Variants in ELP4 observed in about 807,000 individuals in gnomAD.
ELP4 encodes elongator acetyltransferase complex subunit 4, also known as elongator complex protein 4.
In ELP4, 51 loss-of-function variants were observed where a neutral mutation model predicts 48.9. The ratio of observed to expected loss-of-function variants is 1.04; its 90% confidence interval spans 0.83 to 1.32. The LOEUF (loss-of-function observed/expected upper bound fraction) is 1.32. ELP4 is among the 40% of genes most tolerant of loss of function. ELP4 has a pLI of 0.00. For missense variants in ELP4, 519 were observed against 514.6 expected, an observed-to-expected ratio of 1.01 and a Z score of -0.08; for synonymous variants, 210 against 189.2, an observed-to-expected ratio of 1.11 and a Z score of -0.90.
At chr11:31,672,423 T>C (rs961934972) in intron 9 of ELP4, among the ~76,000 whole-genome samples, 2 of 152,224 alleles carry the variant, frequency 1.3e-5, no homozygotes, top group African/African-American at 4.8e-5. Flanking sequence ...TTAGAGATGA[T>C]ATTTATTCCA....
chr11:31,750,942 T>C (rs542582837), intron 9 of ELP4, among the ~76,000 whole-genome samples: 1 of 152,350 alleles, frequency 6.6e-6, no homozygotes, highest in Non-Finnish European at 1.5e-5. Context: ...AAACATTCCT[T>C]TTCTTAACCT....
intron 3 of ELP4, among the ~76,000 whole-genome samples, chr11:31,567,458 ACAAG>A (rs1957131332): frequency 6.6e-6 from 1 of 152,230 alleles, no homozygotes; most frequent in African/African-American, 2.4e-5. Context: ...ACCAAGAAAA[ACAAG>A]CAAGTTTTTG....
chr11:31,785,931 C>A lies in ELP4; in HGVS notation c.*2407C>A, dbSNP rs886048184. The A allele has an allele frequency of 2.0e-5, 4 of 196,630 alleles. No homozygotes were observed. The East Asian group carries it at 3.2e-4, about 16-fold the overall frequency. 12.2% of individuals were successfully genotyped at this position (196,630 alleles called of 1,614,324 possible). On this transcript the variant is annotated 3_prime_UTR_variant, in exon 10 of 10. Coordinates refer to ENST00000640961, the MANE Select transcript of ELP4 (RefSeq NM_019040.5). ...CCAAACGTAATATCTGAAATGATATCTTTTAAGTGTTTCTAGTATATGAAC... is the reference window on the plus strand; with the variant it reads ...CCAAACGTAATATCTGAAATGATATATTTTAAGTGTTTCTAGTATATGAAC...
At chr11:31,579,415 C>A (rs1022603305) in intron 3 of ELP4, among the ~76,000 whole-genome samples, 4 of 152,124 alleles carry the variant, frequency 2.6e-5, no homozygotes, top group South Asian at 2.1e-4. Flanking sequence ...TACCATTAGA[C>A]CCAGCCATCC....
chr11:31,783,581 A>G lies in ELP4; in HGVS notation c.*57A>G. 2.0e-6 allele frequency: 3 copies of G among 1,510,178 alleles called. No individual in the cohort carries two copies. The highest frequency in any genetic ancestry group is 2.7e-6 in the Non-Finnish European group (3 of 1,106,430). The allele number at this position is 1,510,178 out of a possible 1,614,324, so 93.5% of individuals were successfully genotyped here. On this transcript the variant is annotated 3_prime_UTR_variant, in exon 10 of 10. Coordinates refer to ENST00000640961, the MANE Select transcript of ELP4 (RefSeq NM_019040.5). ...CTATGACACTCTAATTATGATTGCT[A>G]ATAGCTTATGTAAATATTTTTCTTA...
At chr11:31,561,524 C>T (rs1181473702) in intron 3 of ELP4, among the ~76,000 whole-genome samples, 1 of 152,152 alleles carries the variant, frequency 6.6e-6, no homozygotes, top group Non-Finnish European at 1.5e-5. Flanking sequence ...TCACTGTACC[C>T]TCCACCTACC....
intron 5 of ELP4, among the ~76,000 whole-genome samples, chr11:31,607,557 T>A (rs770615904): frequency 6.6e-6 from 1 of 152,194 alleles, no homozygotes; most frequent in African/African-American, 2.4e-5. Flanking sequence ...GGAGCCCTGA[T>A]GACATAATCA....
At chr11:31,606,986 G>C (rs537827598) in intron 5 of ELP4, among the ~76,000 whole-genome samples, 1 of 152,298 alleles carries the variant, frequency 6.6e-6, no homozygotes, top group South Asian at 2.1e-4. Flanking sequence ...GTTTAGATTA[G>C]GTTGTGAGGG....
At chr11:31,562,240 A>C (rs938021914) in intron 3 of ELP4, among the ~76,000 whole-genome samples, 1 of 152,216 alleles carries the variant, frequency 6.6e-6, no homozygotes, top group African/African-American at 2.4e-5. Context: ...ATTTTTAAAT[A>C]ATTAGGTTAT....
intron 9 of ELP4, among the ~76,000 whole-genome samples, chr11:31,688,761 T>C (rs1592224700): frequency 1.3e-5 from 2 of 152,206 alleles, no homozygotes; most frequent in South Asian, 2.1e-4. Flanking sequence ...GTGAACAGTA[T>C]GTAGAAGTGC....
At chr11:31,511,787 T>C (rs1383388060) in intron 1 of ELP4, 1 of 152,216 alleles carries the variant, frequency 6.6e-6, no homozygotes, top group Non-Finnish European at 1.5e-5. Context: ...GCACCTTCTA[T>C]ACGTGTTTCT....
In ELP4 at chr11:31,786,927, C is replaced by G. The variant is rs1948679340; in HGVS notation, c.*3403C>G. The G allele has an allele frequency of 4.5e-6, 1 of 220,322 alleles. No individual in the cohort carries two copies. Among genetic ancestry groups the G allele is most frequent in the Non-Finnish European group, 9.1e-6 (1 of 110,038 alleles). The allele number at this position is 220,322 out of a possible 1,614,324, so 13.6% of individuals were successfully genotyped here. On this transcript the variant is annotated 3_prime_UTR_variant, in exon 10 of 10. Transcript: ENST00000640961. ...TTAGACGTTTAGTCCTGGGATTCTA[C>G]TGAAGTCTTCACAAATAATCTCCAT...
At chr11:31,655,559 G>A (rs990583207) in intron 9 of ELP4, among the ~76,000 whole-genome samples, 2 of 151,952 alleles carry the variant, frequency 1.3e-5, no homozygotes, top group Admixed American at 6.6e-5. Context: ...AGACTTCAAA[G>A]AGCTTGAGGC....
chr11:31,744,267 A>T (rs1003106393), intron 9 of ELP4, among the ~76,000 whole-genome samples: 2 of 152,206 alleles, frequency 1.3e-5, no homozygotes, highest in African/African-American at 4.8e-5. Flanking sequence ...ACCAACCAAA[A>T]AAAGCTCAGG....
chr11:31,787,203 G>T lies in ELP4; in HGVS notation c.*3679G>T, dbSNP rs1400840686. 1.7e-5 allele frequency: 4 copies of T among 232,702 alleles called. No homozygotes were observed. Among genetic ancestry groups the T allele is most frequent in the Non-Finnish European group, 2.5e-5 (3 of 117,746 alleles). 14.4% of individuals were successfully genotyped at this position (232,702 alleles called of 1,614,324 possible). ...CAGCCGTTCCCATCCTGCCGGACCA[G>T]AGGGCTTCTGCAGCTGAGCAGCCGC... On this transcript the variant is annotated 3_prime_UTR_variant, in exon 10 of 10. Transcript: ENST00000640961.
Position 31,647,647 on chromosome 11 carries a change from TAC to T in ELP4, c.928-92_928-91del. On this transcript the variant is annotated intron_variant, in intron 7 of 9. Transcript: ENST00000640961. ...TTCACTGTTGATAGTCTATCTCCAC[TAC>T]AGTTTTTCATGAGATGGCATAGGGA... 7 of 767,420 alleles carry T rather than the reference TAC, an allele frequency of 9.1e-6. No individual in the cohort carries two copies. In the South Asian group the frequency reaches 9.9e-5, roughly 11 times the overall value. The allele number at this position is 767,420 out of a possible 1,614,324, so 47.5% of individuals were successfully genotyped here.
intron 9 of ELP4, among the ~76,000 whole-genome samples, chr11:31,734,396 C>A (rs765007616): frequency 6.6e-6 from 1 of 152,072 alleles, no homozygotes; most frequent in Non-Finnish European, 1.5e-5. Context: ...TTAAAGGCAT[C>A]CATATCAGAA....
At chr11:31,519,803 G>A (rs1317203259) in intron 1 of ELP4, among the ~76,000 whole-genome samples, 1 of 149,284 alleles carries the variant, frequency 6.7e-6, no homozygotes, top group Admixed American at 6.7e-5. Flanking sequence ...GCACTCCAGC[G>A]TGATCAACAG....
chr11:31,714,128 T>C (rs1946795583), intron 9 of ELP4, among the ~76,000 whole-genome samples: 1 of 152,144 alleles, frequency 6.6e-6, no homozygotes, highest in Admixed American at 6.6e-5. Context: ...GATGTAAAAC[T>C]GCTTAAGTCT....
Sources: allele counts gnomAD v4.1 joint callset (sites outside exome capture counted in the v4.1 genomes callset), GRCh38; gene constraint gnomAD v4.1.1; transcripts MANE v1.5; gene names NCBI Gene and HGNC (gene_info 2026-07-23, HGNC 2026-07-21).